Variants in DPYD observed in about 807,000 individuals in gnomAD.
DPYD encodes the protein dihydropyrimidine dehydrogenase.
A neutral mutation model predicts 116.2 loss-of-function variants in DPYD; 109 were observed. The observed-to-expected ratio is 0.94, with a 90% CI of 0.80 to 1.10. The LOEUF is 1.10. Ranked by LOEUF, DPYD falls within the 50% of genes least tolerant of loss-of-function variation. DPYD has a pLI of 0.00. For missense variants in DPYD, 1,302 were observed against 1,254.5 expected (o/e 1.04, Z -0.57); for synonymous variants, 440 against 432.0 (o/e 1.02, Z -0.23).
chr1:97,746,587 T>A (rs2101085274), intron 3 of DPYD, among the ~76,000 whole-genome samples: 1 of 152,154 alleles, frequency 6.6e-6, no homozygotes, highest in Middle Eastern at 3.4e-3. Context: ...GATATCTGGA[T>A]AAAGAAGAAA....
intron 3 of DPYD, among the ~76,000 whole-genome samples, chr1:97,809,308 C>T (rs1009835625): frequency 6.6e-6 from 1 of 152,176 alleles, no homozygotes; most frequent in South Asian, 2.1e-4. Context: ...CATACACATA[C>T]ACACACAGAC....
intron 3 of DPYD, among the ~76,000 whole-genome samples, chr1:97,813,915 GACACACACACAC>G (rs59229553): frequency 1.8e-4 from 26 of 144,628 alleles, no homozygotes; most frequent in Admixed American, 4.2e-4. Flanking sequence ...GAAACACACA[GACACACACACAC>G]ACACACACAC....
intron 7 of DPYD, among the ~76,000 whole-genome samples, chr1:97,689,467 T>A (rs1202444913): frequency 1.3e-5 from 2 of 151,954 alleles, no homozygotes; most frequent in African/African-American, 2.4e-5. Context: ...GTAAATGAAA[T>A]AAACCTCTTT....
chr1:97,204,004 G>A lies in DPYD; in HGVS notation c.2443-10756C>T, dbSNP rs571247885. ...TCAGTGAGTCAACAATTTTGACTGA[G>A]TTGCCAATATATTCTGGGACACAAA... On this transcript the variant is annotated intron_variant, in intron 19 of 22. Coordinates refer to ENST00000370192, the MANE Select transcript of DPYD (RefSeq NM_000110.4). 5.3e-5 allele frequency among the ~76,000 whole-genome samples: 8 copies of A among 152,114 alleles called. No individual in the cohort carries two copies. In the South Asian group the frequency reaches 1.7e-3, roughly 32 times the overall value.
chr1:97,648,105 G>T (rs1239642225), intron 8 of DPYD, among the ~76,000 whole-genome samples: 3 of 152,024 alleles, frequency 2.0e-5, no homozygotes, highest in African/African-American at 7.2e-5. Flanking sequence ...TTAAGTGCAA[G>T]CATTATTAGG....
chr1:97,155,521 T>C (rs542778856), intron 20 of DPYD, among the ~76,000 whole-genome samples: 1 of 152,288 alleles, frequency 6.6e-6, no homozygotes, highest in African/African-American at 2.4e-5. Context: ...GTTTTTATTA[T>C]CCTAATACAC....
chr1:97,467,846 A>G (rs1330458757), intron 13 of DPYD, among the ~76,000 whole-genome samples: 4 of 152,202 alleles, frequency 2.6e-5, no homozygotes, highest in Non-Finnish European at 5.9e-5. Context: ...TGCTTTAGGG[A>G]TATCTGAACC....
chr1:97,262,067 A>T (rs963226875), intron 18 of DPYD, among the ~76,000 whole-genome samples: 2 of 151,892 alleles, frequency 1.3e-5, no homozygotes, highest in Non-Finnish European at 2.9e-5. Flanking sequence ...ACCATCCTCA[A>T]TCACCAGATT....
intron 6 of DPYD, among the ~76,000 whole-genome samples, chr1:97,698,826 T>A (rs1661440718): frequency 6.6e-6 from 1 of 151,958 alleles, no homozygotes; most frequent in Non-Finnish European, 1.5e-5. Context: ...TAAATTTTCA[T>A]GGGAATAATA....
chr1:97,743,110 T>C (rs763067265), intron 3 of DPYD, among the ~76,000 whole-genome samples: 2 of 152,280 alleles, frequency 1.3e-5, no homozygotes, highest in East Asian at 3.9e-4. Context: ...GTATTGACAA[T>C]GTAAGGATTT....
intron 3 of DPYD, among the ~76,000 whole-genome samples, chr1:97,801,698 G>A (rs1421465216): frequency 6.6e-6 from 1 of 151,770 alleles, no homozygotes; most frequent in Non-Finnish European, 1.5e-5. Flanking sequence ...AGGGCAGAGG[G>A]ATCAGCAAAT....
intron 7 of DPYD, among the ~76,000 whole-genome samples, chr1:97,685,516 T>G (rs578251686): frequency 1.3e-5 from 2 of 152,108 alleles, no homozygotes; most frequent in South Asian, 4.2e-4. Flanking sequence ...AAGACAGAAA[T>G]AAAGAGTATT....
At position 97,541,822 on chromosome 1, in the gene DPYD, T is replaced by A. The variant is rs6674056; in HGVS notation, c.1524+7738A>T. ...CTATAGTCATTCTTTCAGTTACAAATTCTTTCTTTAGGTACACTGTCAAAA... is the reference window on the plus strand; with the variant it reads ...CTATAGTCATTCTTTCAGTTACAAAATCTTTCTTTAGGTACACTGTCAAAA... On this transcript the variant is annotated intron_variant, in intron 12 of 22. Coordinates refer to ENST00000370192, the MANE Select transcript of DPYD (RefSeq NM_000110.4). 3.7e-3 allele frequency among the ~76,000 whole-genome samples: 558 copies of A among 152,292 alleles called. 1 individual carries two copies. The highest frequency in any genetic ancestry group is 0.013 in the African/African-American group (536 of 41,562).
At chr1:97,151,110 A>C (rs1202477696) in intron 20 of DPYD, among the ~76,000 whole-genome samples, 1 of 152,232 alleles carries the variant, frequency 6.6e-6, no homozygotes, top group African/African-American at 2.4e-5. Flanking sequence ...CTTATGTTCA[A>C]AATGAGAAAT....
chr1:97,850,030 A>C (rs1299806089), intron 2 of DPYD, among the ~76,000 whole-genome samples: 1 of 152,212 alleles, frequency 6.6e-6, no homozygotes, highest in East Asian at 1.9e-4. Context: ...TCCAAATTAG[A>C]TAAACAAACA....
At chr1:97,475,932 G>C (rs1401720310) in intron 13 of DPYD, among the ~76,000 whole-genome samples, 1 of 152,184 alleles carries the variant, frequency 6.6e-6, no homozygotes, top group Non-Finnish European at 1.5e-5. Context: ...CCTATACATT[G>C]TTGAGTTTGA....
chr1:97,544,083 G>T (rs1275384876), intron 12 of DPYD, among the ~76,000 whole-genome samples: 1 of 152,140 alleles, frequency 6.6e-6, no homozygotes, highest in South Asian at 2.1e-4. Flanking sequence ...TCATTGAAGG[G>T]TTTTAAATGA....
intron 12 of DPYD, among the ~76,000 whole-genome samples, chr1:97,516,692 CACTT>C (rs1269783261): frequency 6.6e-6 from 1 of 151,892 alleles, no homozygotes; most frequent in Non-Finnish European, 1.5e-5. Context: ...TTAATAAAAA[CACTT>C]ACTCTTAGCA....
At chr1:97,795,307 C>T (rs1667510287) in intron 3 of DPYD, among the ~76,000 whole-genome samples, 1 of 151,958 alleles carries the variant, frequency 6.6e-6, no homozygotes, top group Non-Finnish European at 1.5e-5. Context: ...AACAAATATG[C>T]CTAGCTACAA....
Sources: gnomAD v4.1 joint callset for allele counts (sites outside exome capture counted in the v4.1 genomes callset) on GRCh38, gnomAD v4.1.1 for gene constraint, MANE v1.5 for transcripts, NCBI Gene and HGNC (gene_info 2026-07-23, HGNC 2026-07-21) for gene names.